The following ATP4B variants were observed in gnomAD, a reference collection of about 807,000 sequenced individuals.
ATP4B encodes potassium-transporting ATPase subunit beta.
Under a neutral mutation model 35.3 loss-of-function variants are expected in ATP4B, and 27 were observed. That is an observed-to-expected ratio of 0.76 (90% CI 0.56 to 1.05). The LOEUF is 1.05. Among genes scored for constraint, ATP4B ranks in the 50% least tolerant of loss-of-function variants. The probability of loss-of-function intolerance (pLI) is 0.00; values close to 1 mark genes in which losing one functional copy is unlikely to be tolerated. For missense variants in ATP4B, 375 were observed against 384.8 expected (o/e 0.97, Z 0.21); for synonymous variants, 162 against 156.0 (o/e 1.04, Z -0.29).
chr13:113,649,224 G>T lies in ATP4B; in HGVS notation c.*150C>A. 2 of 794,530 alleles carry T rather than the reference G, an allele frequency of 2.5e-6. No homozygotes were observed. Among genetic ancestry groups the T allele is most frequent in the African/African-American group, 1.8e-5 (1 of 55,122 alleles). 49.2% of individuals were successfully genotyped at this position (794,530 alleles called of 1,614,324 possible). A position where few individuals can be genotyped will look rare whatever the true frequency, so the allele number is the denominator to read the frequency against. On this transcript the variant is annotated 3_prime_UTR_variant, in exon 7 of 7. Transcript: ENST00000335288. This position sits in a 1 kb window ranked among gnomAD's most constrained non-coding sequence, Gnocchi z 4.7. The stretch of plus-strand genomic sequence containing the variant: ...GCGAGCAGGTCCTTCAGATGTGGGC[G>T]CTTCTCTGGAGTTCGCACACTGACA...
intron 4 of ATP4B, among the ~76,000 whole-genome samples, chr13:113,652,475 C>G (rs1252619657): frequency 1.3e-5 from 2 of 152,224 alleles, no homozygotes; most frequent in Non-Finnish European, 2.9e-5. Context: ...CCCCACACCC[C>G]CTAAGGGGCC....
At position 113,654,305 on chromosome 13, in the gene ATP4B, G is replaced by A. The variant is rs1352491743; in HGVS notation, c.241+509C>T. On this transcript the variant is annotated intron_variant, in intron 2 of 6. Coordinates refer to ENST00000335288, the MANE Select transcript of ATP4B (RefSeq NM_000705.4). ...ACTTGCTCTGCACACCGATGGGGAC[G>A]TCTGTCCTGTGGCCTCTGACGACTC... Among the ~76,000 whole-genome samples the A allele has an allele frequency of 3.3e-5, 5 of 152,348 alleles. No homozygotes were observed. The South Asian group carries it at 6.2e-4, about 19-fold the overall frequency.
intron 1 of ATP4B, among the ~76,000 whole-genome samples, chr13:113,655,804 G>A (rs1289107546): frequency 3.3e-5 from 5 of 152,214 alleles, no homozygotes; most frequent in Admixed American, 1.3e-4. Context: ...TTAGTGAGCC[G>A]TTCTCCAGTG....
rs979324525 is a variant in ATP4B, at chr13:113,649,391, G to A, written c.859C>T (p.Leu287Phe). The change falls in exon 7 of 7, where the codon CTC becomes TTC. Residue 287 changes from leucine to phenylalanine, a missense_variant. Transcript: ENST00000335288. The surrounding 1 kb of genome is among the most constrained non-coding windows in gnomAD (Gnocchi z 4.7). ...DPYEGKVEFK[L>F]KIEK ...AAACCGTTTCACTTCTCAATCTTGA[G>A]TTTGAACTCCACTTTCCCTTCATAC... is the stretch of plus-strand genomic sequence containing the variant. The A allele has an allele frequency of 6.3e-7, 1 of 1,595,030 alleles. No individual in the cohort carries two copies. The highest frequency in any genetic ancestry group is 1.7e-5 in the Admixed American group (1 of 58,570).
intron 1 of ATP4B, among the ~76,000 whole-genome samples, chr13:113,657,483 CG>C (rs2049764456): frequency 6.6e-6 from 1 of 152,220 alleles, no homozygotes; most frequent in Non-Finnish European, 1.5e-5. Flanking sequence ...CCAGGCTGCC[CG>C]CGCCTCTGTG....
intron 1 of ATP4B, among the ~76,000 whole-genome samples, chr13:113,655,927 C>A (rs1185629256): frequency 1.3e-5 from 2 of 152,228 alleles, no homozygotes; most frequent in Non-Finnish European, 2.9e-5. Context: ...ACTGCCTGCC[C>A]TCTTCTGTGA....
At position 113,658,089 on chromosome 13, in the gene ATP4B, C is replaced by T. The variant is rs147999385; in HGVS notation, c.56G>A (p.Arg19His). The T allele has an allele frequency of 7.6e-4, 1,219 of 1,612,338 alleles. 6 individuals carry two copies. The highest frequency in any genetic ancestry group is 4.0e-4 in the South Asian group (36 of 90,820). Residue 19 changes from arginine to histidine, a missense_variant, in exon 1 of 7, where the codon CGT (arginine) becomes CAT (histidine). Physicochemically the swap from Arg to His is conservative, Grantham distance 29 (BLOSUM62 0). Transcript: ENST00000335288. ...CCCCGTGTCCGGGTTCCAGCAGTAA[C>T]GCTGGAACTCCTCCATGCGCTGGCC... The part of the protein sequence containing the change: ...TCGQRMEEFQ[R>H]YCWNPDTGQM...
Position 113,649,297 on chromosome 13 carries a change from C to A in ATP4B, c.*77G>T. ...TGGGGATGATTTGGCAGGGAACTGA[C>A]GGGCAAGGTAAGCCCAACCAGGAGG... On this transcript the variant is annotated 3_prime_UTR_variant, in exon 7 of 7. Transcript: ENST00000335288. This position sits in a 1 kb window ranked among gnomAD's most constrained non-coding sequence, Gnocchi z 4.7. The A allele has an allele frequency of 2.0e-6, 3 of 1,493,970 alleles. No individual in the cohort carries two copies. The highest frequency in any genetic ancestry group is 1.3e-5 in the South Asian group (1 of 78,242). 92.5% of individuals were successfully genotyped at this position (1,493,970 alleles called of 1,614,324 possible).
At position 113,649,523 on chromosome 13, in the gene ATP4B, T is replaced by G. The variant is rs1359546965; in HGVS notation, c.727A>C (p.Asn243His). The G allele has an allele frequency of 6.5e-7, 1 of 1,533,338 alleles. No individual in the cohort carries two copies. The highest frequency in any genetic ancestry group is 8.8e-7 in the Non-Finnish European group (1 of 1,134,930). The allele number at this position is 1,533,338 out of a possible 1,614,324, so 95.0% of individuals were successfully genotyped here. The change falls in exon 7 of 7, where the codon AAC (asparagine) becomes CAC (histidine). Residue 243 changes from asparagine to histidine, a missense_variant. Physicochemically the swap from Asn to His is moderately conservative, Grantham distance 68. Transcript: ENST00000335288. This position sits in a 1 kb window ranked among gnomAD's most constrained non-coding sequence, Gnocchi z 4.7. ...YGKKAQPHYS[N>H]PLVAAKLLNI... ...AGGAGCTTCGCTGCCACCAGGGGGT[T>G]GCTGTAGTGGGGCTGAAGTGGGAGT...
chr13:113,650,226 A>G lies in ATP4B; in HGVS notation c.714+180T>C, dbSNP rs1476998549. ...TGTATTTTCATGTTGCGTGAGAGGA[A>G]TGTTTCCAGGTAGATACAAGAACCT... On this transcript the variant is annotated intron_variant, in intron 6 of 6. Coordinates refer to ENST00000335288, the MANE Select transcript of ATP4B (RefSeq NM_000705.4). The surrounding 1 kb of genome is among the most constrained non-coding windows in gnomAD (Gnocchi z 5.0). Among the ~76,000 whole-genome samples the G allele has an allele frequency of 1.3e-5, 2 of 152,108 alleles. No homozygotes were observed. Among genetic ancestry groups the G allele is most frequent in the Non-Finnish European group, 2.9e-5 (2 of 68,032 alleles).
intron 5 of ATP4B, 148 bp downstream of exon 5, chr13:113,651,523 G>T (rs2049711918): frequency 1.2e-6 from 1 of 858,330 alleles, no homozygotes; most frequent in Non-Finnish European, 1.7e-6. Context: ...GCTCGCTGTG[G>T]TGATGGTTCG....
At chr13:113,656,312 T>G (rs141155686) in intron 1 of ATP4B, among the ~76,000 whole-genome samples, 1 of 152,122 alleles carries the variant, frequency 6.6e-6, no homozygotes, top group Non-Finnish European at 1.5e-5. Flanking sequence ...TCCCCCGCTG[T>G]GGGTCCTGTG....
In ATP4B at chr13:113,650,574, T is replaced by A; in HGVS notation, c.613-67A>T. 7.6e-7 allele frequency: 1 copy of A among 1,307,900 alleles called. No homozygotes were observed. Among genetic ancestry groups the A allele is most frequent in the Non-Finnish European group, 1.1e-6 (1 of 932,382 alleles). 81.0% of individuals were successfully genotyped at this position (1,307,900 alleles called of 1,614,324 possible). On this transcript the variant is annotated intron_variant, in intron 5 of 6. Transcript: ENST00000335288. The surrounding 1 kb of genome is among the most constrained non-coding windows in gnomAD (Gnocchi z 5.0). ...TGTGTGCCGGTGTCTGTGTGTTGCG[T>A]TTGTGTGCGTGTGTGCACACACGCG...
chr13:113,651,090 C>A (rs4074271), intron 5 of ATP4B, among the ~76,000 whole-genome samples: 15 of 151,776 alleles, frequency 9.9e-5, no homozygotes, highest in African/African-American at 1.9e-4. Flanking sequence ...GTGAGGTTCC[C>A]TCGGACACCC....
At position 113,652,908 on chromosome 13, in the gene ATP4B, C is replaced by A; in HGVS notation, c.520G>T (p.Glu174Ter). ...TTAATAATAAAACATGGCTTTCCTT[C>A]TTCAAAGCCGAAGTTGGGATCCGCC... ...GLADPNFGFE[E>*]GKPCFIIKMN... is the part of the protein sequence containing the mutation. The change falls in exon 4 of 7, where the codon GAA becomes TAA. Residue 174 changes from glutamate (E) to a stop codon, truncating the protein, a stop_gained. Transcript: ENST00000335288. LOFTEE classifies it high-confidence loss of function. The A allele has an allele frequency of 2.5e-6, 4 of 1,614,218 alleles. No individual in the cohort carries two copies. The highest frequency in any genetic ancestry group is 2.5e-6 in the Non-Finnish European group (3 of 1,180,036).
Position 113,653,446 on chromosome 13 carries a change from G to A in ATP4B, c.242-12C>T, listed in dbSNP as rs748578826. The stretch of plus-strand genomic sequence containing the variant: ...CCTTAAGGTTACCCCTGGAGAGAGA[G>A]ACCTTTGTGCTTAGCGTCTCCAAAT... On this transcript the variant is annotated splice_polypyrimidine_tract_variant and intron_variant, in intron 2 of 6. Transcript: ENST00000335288. 5 of 1,607,256 alleles carry A rather than the reference G, an allele frequency of 3.1e-6. No homozygotes were observed. The highest frequency in any genetic ancestry group is 4.3e-6 in the Non-Finnish European group (5 of 1,173,758).
At position 113,650,544 on chromosome 13, in the gene ATP4B, G is replaced by A. The variant is rs753565035; in HGVS notation, c.613-37C>T. 1.3e-6 allele frequency: 2 copies of A among 1,549,472 alleles called. No individual in the cohort carries two copies. Among genetic ancestry groups the A allele is most frequent in the Non-Finnish European group, 1.8e-6 (2 of 1,133,048 alleles). On this transcript the variant is annotated intron_variant, in intron 5 of 6. Coordinates refer to ENST00000335288, the MANE Select transcript of ATP4B (RefSeq NM_000705.4). This position sits in a 1 kb window ranked among gnomAD's most constrained non-coding sequence, Gnocchi z 5.0. ...AGGCCACTGCCTGAGTCAGGCGGGAGCTGGTGTGTGCCGGTGTCTGTGTGT... is the reference window on the plus strand; with the variant it reads ...AGGCCACTGCCTGAGTCAGGCGGGAACTGGTGTGTGCCGGTGTCTGTGTGT...
chr13:113,650,594 C>T lies in ATP4B; in HGVS notation c.613-87G>A. 4 of 1,025,290 alleles carry T rather than the reference C, an allele frequency of 3.9e-6. No homozygotes were observed. Among genetic ancestry groups the T allele is most frequent in the Non-Finnish European group, 1.5e-6 (1 of 689,652 alleles). The allele number at this position is 1,025,290 out of a possible 1,614,324, so 63.5% of individuals were successfully genotyped here. ...TTGCGTTTGTGTGCGTGTGTGCACA[C>T]ACGCGCTGTGTAGGTGCTTGCATAA... On this transcript the variant is annotated intron_variant, in intron 5 of 6. Transcript: ENST00000335288. The surrounding 1 kb of genome is among the most constrained non-coding windows in gnomAD (Gnocchi z 5.0).
At chr13:113,651,921 G>T (rs1489099930) in intron 4 of ATP4B, among the ~76,000 whole-genome samples, 194 bp from the exon 5 acceptor site, 1 of 152,184 alleles carries the variant, frequency 6.6e-6, no homozygotes, top group East Asian at 1.9e-4. Context: ...ATCATTCAGA[G>T]CCACAGCCCT....
Sources: gnomAD v4.1 joint callset for allele counts (sites outside exome capture counted in the v4.1 genomes callset) on GRCh38, gnomAD v4.1.1 for gene constraint, Gnocchi (gnomAD v3.1) non-coding constraint, MANE v1.5 for transcripts, NCBI Gene and HGNC (gene_info 2026-07-23, HGNC 2026-07-21) for gene names.